Variants in WDPCP observed in about 807,000 individuals in gnomAD.
WDPCP encodes WD repeat-containing and planar cell polarity effector protein fritz homolog.
A neutral mutation model predicts 93.1 loss-of-function variants in WDPCP; 71 were observed. The ratio of observed to expected loss-of-function variants is 0.76; its 90% confidence interval spans 0.63 to 0.93. The LOEUF is 0.93. Ranked by LOEUF, WDPCP falls within the 40% of genes least tolerant of loss-of-function variation. The probability of loss-of-function intolerance (pLI) is 0.00; values close to 1 mark genes in which losing one functional copy is unlikely to be tolerated. For missense variants in WDPCP, 844 were observed against 887.4 expected (o/e 0.95, Z 0.62); for synonymous variants, 315 against 315.0 (o/e 1.00, Z 0.00).
chr2:63,820,629 G>A (rs1236777280), intron 1 of WDPCP, among the ~76,000 whole-genome samples: 1 of 152,092 alleles, frequency 6.6e-6, no homozygotes, highest in African/African-American at 2.4e-5. Flanking sequence ...CCTTAGAAGC[G>A]GGGGCTTGTA....
At chr2:63,520,331 A>G (rs184985251) in intron 1 of WDPCP, among the ~76,000 whole-genome samples, 1 of 152,368 alleles carries the variant, frequency 6.6e-6, no homozygotes, top group East Asian at 1.9e-4. Flanking sequence ...ATCATCCATG[A>G]AAATTTCCCC....
chr2:63,421,074 C>T (rs1695823299), intron 9 of WDPCP, among the ~76,000 whole-genome samples: 1 of 152,070 alleles, frequency 6.6e-6, no homozygotes, highest in Non-Finnish European at 1.5e-5. Flanking sequence ...ATGAGAGTTC[C>T]CTATTGCTCT....
intron 12 of WDPCP, among the ~76,000 whole-genome samples, chr2:63,348,805 CAAAGG>C (rs1374307286): frequency 6.6e-6 from 1 of 152,044 alleles, no homozygotes; most frequent in Non-Finnish European, 1.5e-5. Context: ...TAAGGCCCAA[CAAAGG>C]AGAGTTTCAA....
At chr2:63,744,325 G>T (rs1445472925) in intron 2 of WDPCP, among the ~76,000 whole-genome samples, 1 of 152,074 alleles carries the variant, frequency 6.6e-6, no homozygotes, top group Admixed American at 6.6e-5. Flanking sequence ...TTTTATGCTG[G>T]CCTTTGGTTC....
chr2:63,592,013 G>A (rs1709209333), upstream of WDPCP, among the ~76,000 whole-genome samples: 2 of 152,170 alleles, frequency 1.3e-5, no homozygotes, highest in South Asian at 2.1e-4. Context: ...AACACAGAAA[G>A]TCTGGCTCCA....
intron 17 of WDPCP, among the ~76,000 whole-genome samples, chr2:63,148,267 C>T (rs959646183): frequency 3.9e-5 from 6 of 152,022 alleles, no homozygotes. Context: ...GTTAAGGCTG[C>T]AGTGAGCTGT....
chr2:63,133,532 A>G (rs1251077230), intron 17 of WDPCP, among the ~76,000 whole-genome samples: 1 of 152,150 alleles, frequency 6.6e-6, no homozygotes, highest in African/African-American at 2.4e-5. Context: ...GGTGGAGGTA[A>G]CTGAATCATG....
intron 1 of WDPCP, among the ~76,000 whole-genome samples, chr2:63,567,259 T>C (rs1182869325): frequency 6.6e-6 from 1 of 152,034 alleles, no homozygotes; most frequent in East Asian, 1.9e-4. Context: ...TCAAACCCTA[T>C]CCTTCCCTTG....
At chr2:63,717,073 G>A (rs988528389) in intron 2 of WDPCP, 3 of 277,232 alleles carry the variant, frequency 1.1e-5, no homozygotes, top group Non-Finnish European at 2.1e-5. Context: ...CATTCCTGAG[G>A]CAGCTCTCTT....
At chr2:63,319,001 T>A (rs1251279250) in intron 12 of WDPCP, among the ~76,000 whole-genome samples, 5 of 152,152 alleles carry the variant, frequency 3.3e-5, no homozygotes, top group Non-Finnish European at 7.3e-5. Flanking sequence ...ACATATCATC[T>A]AAAAAGGAAC....
chr2:63,377,500 C>A (rs1023822889), intron 12 of WDPCP, among the ~76,000 whole-genome samples: 1 of 150,776 alleles, frequency 6.6e-6, no homozygotes, highest in Non-Finnish European at 1.5e-5. Context: ...TATATATACA[C>A]AGTTTAAAAA....
At chr2:63,610,931 AAAAAT>A (rs1709606919) in intron 3 of WDPCP, among the ~76,000 whole-genome samples, 1 of 152,176 alleles carries the variant, frequency 6.6e-6, no homozygotes, top group Non-Finnish European at 1.5e-5. Context: ...CCCGTCTTAC[AAAAAT>A]AAAATAAAAC....
intron 2 of WDPCP, among the ~76,000 whole-genome samples, chr2:63,743,155 T>C (rs1669749630): frequency 6.6e-6 from 1 of 152,090 alleles, no homozygotes; most frequent in South Asian, 2.1e-4. Context: ...GTGCTCTTTC[T>C]CCTGAGCTGT....
intron 2 of WDPCP, among the ~76,000 whole-genome samples, chr2:63,772,789 T>C (rs1263069890): frequency 6.6e-6 from 1 of 152,018 alleles, no homozygotes; most frequent in African/African-American, 2.4e-5. Flanking sequence ...AAATGAGGTA[T>C]AAAAGTAAAC....
intron 3 of WDPCP, among the ~76,000 whole-genome samples, chr2:63,619,922 G>A (rs540463980): frequency 1.2e-4 from 18 of 152,268 alleles, no homozygotes; most frequent in South Asian, 8.3e-4. Flanking sequence ...GCAAGGGGTC[G>A]GGGAACTCCC....
intron 13 of WDPCP, among the ~76,000 whole-genome samples, chr2:63,274,653 A>G (rs1682939258): frequency 6.6e-6 from 1 of 152,158 alleles, no homozygotes. Context: ...AACAGAAAGG[A>G]TCATCTGAGA....
chr2:63,229,123 T>A (rs1678591105), intron 14 of WDPCP: 1 of 152,218 alleles, frequency 6.6e-6, no homozygotes, highest in Non-Finnish European at 1.5e-5. Flanking sequence ...ATGATCACCA[T>A]TCTAACTGGT....
At chr2:63,685,429 A>C (rs1668791502) in intron 2 of WDPCP, among the ~76,000 whole-genome samples, 1 of 152,210 alleles carries the variant, frequency 6.6e-6, no homozygotes, top group Non-Finnish European at 1.5e-5. Context: ...TGAACAGACC[A>C]ATAACAAGTA....
chr2:63,597,581 A>C (rs747514607), intron 3 of WDPCP: 31 of 1,368,534 alleles, frequency 2.3e-5, no homozygotes, highest in Non-Finnish European at 2.8e-5. Context: ...TAAGGTGACC[A>C]ATGCTGTATT....
Sources: allele counts gnomAD v4.1 joint callset (sites outside exome capture counted in the v4.1 genomes callset), GRCh38; gene constraint gnomAD v4.1.1; transcripts MANE v1.5; gene names NCBI Gene and HGNC (gene_info 2026-07-23, HGNC 2026-07-21).